Variants in COL28A1 observed in about 807,000 individuals in gnomAD.
COL28A1 encodes collagen alpha-1(XXVIII) chain.
In COL28A1, 161 loss-of-function variants were observed where a neutral mutation model predicts 150.2. The observed-to-expected ratio is 1.07, with a 90% CI of 0.94 to 1.22. The LOEUF (loss-of-function observed/expected upper bound fraction) is 1.22. COL28A1 is among the 50% of genes most tolerant of loss of function. The probability of loss-of-function intolerance (pLI) is 0.00; values close to 1 mark genes in which losing one functional copy is unlikely to be tolerated. For missense variants in COL28A1, 1,617 were observed against 1,388.3 expected, an observed-to-expected ratio of 1.16 and a Z score of -2.62; for synonymous variants, 552 against 469.7, an observed-to-expected ratio of 1.18 and a Z score of -2.26.
In COL28A1 at chr7:7,446,390, T is replaced by C. The variant is rs142284182; in HGVS notation, c.1510-1901A>G. Among the ~76,000 whole-genome samples, 707 of 152,190 alleles carry C rather than the reference T, an allele frequency of 4.6e-3. 5 individuals are homozygous for C. The highest frequency in any genetic ancestry group is 0.022 in the East Asian group (114 of 5,184). On this transcript the variant is annotated intron_variant, in intron 18 of 34. Coordinates refer to ENST00000399429, the MANE Select transcript of COL28A1 (RefSeq NM_001037763.3). The stretch of plus-strand genomic sequence containing the variant: ...AGAAAAATATGAATTATATAAATGC[T>C]GTAAAAAGAAATGAACAAGCTAGAT...
the COL28A1 span, among the ~76,000 whole-genome samples, chr7:7,345,103 C>T: frequency 6.6e-6 from 1 of 151,876 alleles, no homozygotes; most frequent in Non-Finnish European, 1.5e-5. Flanking sequence ...GCTGAATTTG[C>T]AAAAGCAGCA....
chr7:7,409,777 T>C (rs1479739444), intron 27 of COL28A1, among the ~76,000 whole-genome samples: 4 of 152,192 alleles, frequency 2.6e-5, no homozygotes, highest in Non-Finnish European at 5.9e-5. Context: ...TTCCTTTTTG[T>C]TTCATGGCAG....
At chr7:7,385,177 G>C (rs1782107617) in intron 27 of COL28A1, among the ~76,000 whole-genome samples, 1 of 152,228 alleles carries the variant, frequency 6.6e-6, no homozygotes, top group South Asian at 2.1e-4. Flanking sequence ...AGATGTCTTG[G>C]TAAATCACAC....
At chr7:7,532,329 A>G (rs1346221961) in intron 2 of COL28A1, among the ~76,000 whole-genome samples, 2 of 151,854 alleles carry the variant, frequency 1.3e-5, no homozygotes, top group Non-Finnish European at 2.9e-5. Context: ...ATCAAGGGAG[A>G]AAATGACTAT....
rs1388851173 is a variant in COL28A1, at chr7:7,513,037, T to C, written c.883-1902A>G. ...TACGTTGTAATATAGTGGATTTATA[T>C]GCTGGCGGAAGCTTTATCTTGTTGC... is the stretch of plus-strand genomic sequence containing the variant. On this transcript the variant is annotated intron_variant, in intron 8 of 34. Transcript: ENST00000399429. Among the ~76,000 whole-genome samples, 3 of 152,252 alleles carry C rather than the reference T, an allele frequency of 2.0e-5. No homozygotes were observed. The East Asian group carries it at 5.8e-4, about 29-fold the overall frequency.
rs181093063 is a variant in COL28A1, at chr7:7,530,831, T to A, written c.681+517A>T. 3.2e-3 allele frequency among the ~76,000 whole-genome samples: 485 copies of A among 152,200 alleles called. 6 individuals carry two copies. The highest frequency in any genetic ancestry group is 0.011 in the African/African-American group (448 of 41,534). On this transcript the variant is annotated intron_variant, in intron 3 of 34. Transcript: ENST00000399429. ...GAAAGAAGGAGGTAATTTTAAAAAT[T>A]GGAAGTCTATGAACTTTGAGTAGCA...
Position 7,358,408 on chromosome 7 carries a change from T to C in COL28A1, c.*225A>G, listed in dbSNP as rs1780444234. 4.7e-6 allele frequency: 2 copies of C among 426,036 alleles called. No homozygotes were observed. The allele number at this position is 426,036 out of a possible 1,614,324, so 26.4% of individuals were successfully genotyped here. On this transcript the variant is annotated 3_prime_UTR_variant, in exon 35 of 35. Transcript: ENST00000399429. Reference sequence around the variant, plus strand: ...AATCCTCAGCTCTGAAACTTTTTAGTTGGGTGACAGTTGACAAGTTACTAA... The same window carrying C: ...AATCCTCAGCTCTGAAACTTTTTAGCTGGGTGACAGTTGACAAGTTACTAA...
chr7:7,455,703 A>C (rs1787100954), intron 16 of COL28A1, among the ~76,000 whole-genome samples: 1 of 152,196 alleles, frequency 6.6e-6, no homozygotes, highest in Non-Finnish European at 1.5e-5. Flanking sequence ...CAAAGCTTCA[A>C]GGAGAAAAAA....
At chr7:7,478,885 C>CA (rs1789161585) in intron 13 of COL28A1, among the ~76,000 whole-genome samples, 1 of 152,222 alleles carries the variant, frequency 6.6e-6, no homozygotes, top group Non-Finnish European at 1.5e-5. Flanking sequence ...AGCTGGCCTG[C>CA]AAGCGCCAGG....
intron 17 of COL28A1, among the ~76,000 whole-genome samples, 175 bp downstream of exon 17, chr7:7,453,265 A>G (rs1321461887): frequency 6.6e-6 from 1 of 152,250 alleles, no homozygotes; most frequent in African/African-American, 2.4e-5. Context: ...TAAAGCATAA[A>G]GAATACATAT....
At chr7:7,400,993 T>TGTGTGTGC (rs1562554412) in intron 27 of COL28A1, among the ~76,000 whole-genome samples, 11 of 147,730 alleles carry the variant, frequency 7.4e-5, no homozygotes, top group Admixed American at 4.1e-4. Flanking sequence ...TGTGTGTGTG[T>TGTGTGTGC]GTGTGTGTGT....
At chr7:7,485,000 G>C (rs1215446878) in intron 13 of COL28A1, among the ~76,000 whole-genome samples, 5 of 152,080 alleles carry the variant, frequency 3.3e-5, no homozygotes, top group African/African-American at 4.8e-5. Flanking sequence ...AAAAGGGTGA[G>C]GATGGATAAA....
the COL28A1 span, among the ~76,000 whole-genome samples, chr7:7,342,538 A>G: frequency 5.3e-5 from 8 of 151,986 alleles, no homozygotes; most frequent in East Asian, 1.5e-3. Flanking sequence ...TAGATTAATT[A>G]CTTTTATCTT....
At chr7:7,427,028 G>A (rs774306335) in intron 25 of COL28A1, among the ~76,000 whole-genome samples, 1 of 152,120 alleles carries the variant, frequency 6.6e-6, no homozygotes, top group African/African-American at 2.4e-5. Flanking sequence ...AATGTTAAGG[G>A]GATTTACCAT....
intron 25 of COL28A1, among the ~76,000 whole-genome samples, chr7:7,420,928 A>C (rs902001205): frequency 6.6e-6 from 1 of 152,258 alleles, no homozygotes; most frequent in Non-Finnish European, 1.5e-5. Context: ...TTTGGAAAAC[A>C]GTTTGGTGGT....
At position 7,380,814 on chromosome 7, in the gene COL28A1, C is replaced by T. The variant is rs561741584; in HGVS notation, c.2254G>A (p.Glu752Lys). ...CCTGGAGATCCAGGCTCTCCAATTTCTCCTTTATCACCTTTCTTTCCCACA... is the reference window on the plus strand; with the variant it reads ...CCTGGAGATCCAGGCTCTCCAATTTTTCCTTTATCACCTTTCTTTCCCACA... ...GDVGKKGDKG[E>K]IGEPGSPGKQ... is the part of the protein sequence containing the mutation. The change falls in exon 29 of 35, where the codon GAA becomes AAA. Residue 752 changes from glutamate (E) to lysine (K), a missense_variant. Coordinates refer to ENST00000399429, the MANE Select transcript of COL28A1 (RefSeq NM_001037763.3). The T allele has an allele frequency of 1.9e-6, 3 of 1,614,050 alleles. No homozygotes were observed. The highest frequency in any genetic ancestry group is 2.2e-5 in the East Asian group (1 of 44,870).
intron 27 of COL28A1, among the ~76,000 whole-genome samples, chr7:7,383,203 T>G (rs1336903290): frequency 1.3e-5 from 2 of 151,992 alleles, no homozygotes; most frequent in African/African-American, 4.8e-5. Flanking sequence ...TTCATATCCA[T>G]GTTTTTATGC....
chr7:7,532,336 C>G (rs1371034143), intron 2 of COL28A1, among the ~76,000 whole-genome samples: 1 of 151,916 alleles, frequency 6.6e-6, no homozygotes, highest in African/African-American at 2.4e-5. Context: ...GAGAAAATGA[C>G]TATACCCCCT....
At chr7:7,449,106 T>G (rs996254436) in intron 18 of COL28A1, among the ~76,000 whole-genome samples, 2 of 152,092 alleles carry the variant, frequency 1.3e-5, no homozygotes, top group African/African-American at 2.4e-5. Context: ...TTTAAACATG[T>G]GCATTTATTA....
Sources: gnomAD v4.1 joint callset for allele counts (sites outside exome capture counted in the v4.1 genomes callset) on GRCh38, gnomAD v4.1.1 for gene constraint, MANE v1.5 for transcripts, NCBI Gene and HGNC (gene_info 2026-07-23, HGNC 2026-07-21) for gene names.